Variants in XKRX observed in about 807,000 individuals in gnomAD.
XKRX encodes XK-related protein 2.
A neutral mutation model predicts 22.4 loss-of-function variants in XKRX; 11 were observed. The ratio of observed to expected loss-of-function variants is 0.49; its 90% CI spans 0.31 to 0.81. XKRX has a LOEUF of 0.81. XKRX is among the 40% of genes least tolerant of loss of function. The pLI is 0.05. For missense variants in XKRX, 320 were observed against 336.5 expected (o/e 0.95, Z 0.38); for synonymous variants, 114 against 132.2 (o/e 0.86, Z 0.94).
chrX:100,891,763 A>AAAAGAAAGAAAGAAAG, the XKRX span, among the ~76,000 whole-genome samples: 18 of 59,207 alleles, frequency 3.0e-4, no homozygotes, highest in African/African-American at 1.6e-3. Flanking sequence ...AAGAAAGAAG[A>AAAAGAAAGAAAGAAAG]AAAGAAAGAA....
intron 1 of XKRX, 145 bp from the exon 2 acceptor site, chrX:100,923,206 C>T (rs910217872): frequency 1.4e-6 from 1 of 690,284 alleles, no homozygotes; most frequent in Non-Finnish European, 2.1e-6. Flanking sequence ...GGCTGGAGTG[C>T]AGTGGCACAA....
Position 100,922,903 on chromosome X carries a change from C to T in XKRX, c.494G>A (p.Arg165His), listed in dbSNP as rs372595608. 1.9e-5 allele frequency: 23 copies of T among 1,209,347 alleles called. No homozygotes were observed. The highest frequency in any genetic ancestry group is 3.0e-5 in the East Asian group (1 of 33,740). The change falls in exon 2 of 3, where the codon CGC (arginine) becomes CAC (histidine). Residue 165 changes from arginine (R) to histidine (H), a missense_variant. By Grantham distance (29) the Arg-to-His change is conservative. Transcript: ENST00000372956. ...GHSIRTLAMH[R>H]NAYKRMSQIQ... ...CTGTGACATACGTTTGTAGGCATTG[C>T]GGTGCATAGCCAGGGTCCGGATGGA... is the stretch of plus-strand genomic sequence containing the variant.
At chrX:100,940,073 A>G in the XKRX span, among the ~76,000 whole-genome samples, 1 of 112,135 alleles carries the variant, frequency 8.9e-6, no homozygotes, top group Non-Finnish European at 1.9e-5. Context: ...GGTTTTAACT[A>G]TTATACAAAT....
the XKRX span, among the ~76,000 whole-genome samples, chrX:100,955,963 C>T: frequency 9.0e-6 from 1 of 111,660 alleles, no homozygotes; most frequent in Middle Eastern, 4.6e-3. Flanking sequence ...ACCTAAATGC[C>T]CATCAATAAT....
chrX:100,945,925 C>T, the XKRX span, among the ~76,000 whole-genome samples: 4 of 110,826 alleles, frequency 3.6e-5, no homozygotes. Flanking sequence ...GTGGCTCACG[C>T]CTGTAATCCC....
chrX:100,906,573 T>TA, the XKRX span, among the ~76,000 whole-genome samples: 4 of 112,012 alleles, frequency 3.6e-5, no homozygotes, highest in Non-Finnish European at 7.5e-5. Context: ...AGAGGCCTGT[T>TA]AAAAAAATTA....
At chrX:100,950,937 A>T in the XKRX span, among the ~76,000 whole-genome samples, 1 of 111,690 alleles carries the variant, frequency 9.0e-6, no homozygotes, top group East Asian at 2.8e-4. Context: ...TTACATTAGA[A>T]AAAAGGAGGA....
chrX:100,917,690 G>T (rs1000243631), intron 2 of XKRX, among the ~76,000 whole-genome samples: 4 of 95,943 alleles, frequency 4.2e-5, no homozygotes, highest in Admixed American at 1.1e-4. Flanking sequence ...AAGAAAGAAA[G>T]AAAGAAAGAA....
chrX:100,957,359 C>A, the XKRX span: 1 of 1,194,775 alleles, frequency 8.4e-7, no homozygotes, highest in East Asian at 3.0e-5. Flanking sequence ...GTCTTTTCCA[C>A]CTCTGGCCTG....
the XKRX span, among the ~76,000 whole-genome samples, chrX:100,897,343 G>C: frequency 3.6e-5 from 4 of 110,177 alleles, no homozygotes; most frequent in South Asian, 1.2e-3. Context: ...CCAGCACTTT[G>C]AGAGGCCAAG....
At chrX:100,908,452 C>G (rs2085395462), downstream of XKRX, among the ~76,000 whole-genome samples, 1 of 111,242 alleles carries the variant, frequency 9.0e-6, no homozygotes, top group Non-Finnish European at 1.9e-5. Context: ...GTTCACATAT[C>G]TCACACAGGT....
At chrX:100,943,121 T>C in the XKRX span, among the ~76,000 whole-genome samples, 36 of 111,682 alleles carry the variant, frequency 3.2e-4, no homozygotes, top group Non-Finnish European at 6.0e-4. Context: ...TGTGTGTGTG[T>C]GTATGTGTGT....
chrX:100,954,897 T>C, the XKRX span, among the ~76,000 whole-genome samples: 90 of 112,095 alleles, frequency 8.0e-4, no homozygotes, highest in African/African-American at 2.6e-3. Context: ...CTTTTGTCTA[T>C]GGCAAGGGTA....
chrX:100,912,167 C>T (rs1306649020), downstream of XKRX, among the ~76,000 whole-genome samples: 1 of 111,675 alleles, frequency 9.0e-6, no homozygotes, highest in Non-Finnish European at 1.9e-5. Flanking sequence ...GAAATTCTTG[C>T]TTGAATTCCA....
chrX:100,908,445 C>A (rs2085395451), downstream of XKRX, among the ~76,000 whole-genome samples: 1 of 111,100 alleles, frequency 9.0e-6, no homozygotes, highest in African/African-American at 3.3e-5. Context: ...ATACTTAGTT[C>A]ACATATCTCA....
Position 100,914,277 on chromosome X carries a change from T to C in XKRX, c.*61A>G, listed in dbSNP as rs752976718. 1.3e-4 allele frequency: 152 copies of C among 1,143,394 alleles called. No homozygotes were observed. The highest frequency in any genetic ancestry group is 1.6e-4 in the Non-Finnish European group (141 of 855,105). 94.2% of individuals were successfully genotyped at this position (1,143,394 alleles called of 1,213,427 possible). ...CTCACCCATGAACCTCATCCTTTCGTTCAATTTCATGGTTACTCTTGGCAA... is the reference window on the plus strand; with the variant it reads ...CTCACCCATGAACCTCATCCTTTCGCTCAATTTCATGGTTACTCTTGGCAA... On this transcript the variant is annotated 3_prime_UTR_variant, in exon 3 of 3. Transcript: ENST00000372956.
chrX:100,956,185 T>C, the XKRX span, among the ~76,000 whole-genome samples: 1 of 110,990 alleles, frequency 9.0e-6, no homozygotes, highest in Non-Finnish European at 1.9e-5. Flanking sequence ...AAGGACAACA[T>C]ACACTGGGCA....
At chrX:100,930,245 C>T (rs1054273945), upstream of XKRX, among the ~76,000 whole-genome samples, 10 of 107,748 alleles carry the variant, frequency 9.3e-5, no homozygotes, top group Admixed American at 2.0e-4. Context: ...GCTGAGATCA[C>T]GCCACTGCAC....
At chrX:100,924,469 C>G (rs910147798) in intron 1 of XKRX, among the ~76,000 whole-genome samples, 2 of 111,359 alleles carry the variant, frequency 1.8e-5, no homozygotes, top group African/African-American at 6.5e-5. Context: ...TCCTGCTCTG[C>G]CCCTCCCACC....
Sources: allele counts gnomAD v4.1 joint callset (sites outside exome capture counted in the v4.1 genomes callset), GRCh38; gene constraint gnomAD v4.1.1; transcripts MANE v1.5; gene names NCBI Gene and HGNC (gene_info 2026-07-23, HGNC 2026-07-21).